PDE3A: variants seen among roughly 807,000 people sequenced by gnomAD.
PDE3A encodes the protein cGMP-inhibited 3',5'-cyclic phosphodiesterase 3A.
A neutral mutation model predicts 98.3 loss-of-function variants in PDE3A; 43 were observed. That is an observed-to-expected ratio of 0.44 (90% confidence interval 0.34 to 0.56). The LOEUF is 0.56. Ranked by LOEUF, PDE3A falls within the 20% of genes least tolerant of loss-of-function variation. The pLI is 0.01. For synonymous variants in PDE3A, 663 were observed against 567.9 expected (o/e 1.17, Z -2.38); for missense variants, 1,427 against 1,440.7 (o/e 0.99, Z 0.15).
intron 2 of PDE3A, among the ~76,000 whole-genome samples, chr12:20,591,986 A>T (rs1286886698): frequency 3.3e-5 from 5 of 152,234 alleles, no homozygotes; most frequent in Non-Finnish European, 7.3e-5. Flanking sequence ...TAAAGGGTTA[A>T]GTAAAATACA....
At chr12:20,513,897 C>CT (rs1946271310) in intron 1 of PDE3A, among the ~76,000 whole-genome samples, 1 of 152,070 alleles carries the variant, frequency 6.6e-6, no homozygotes, top group Non-Finnish European at 1.5e-5. Flanking sequence ...GTACTGTTAA[C>CT]TTTTTTTGGC....
chr12:20,615,840 C>T (rs1943991331), intron 3 of PDE3A, among the ~76,000 whole-genome samples: 1 of 152,112 alleles, frequency 6.6e-6, no homozygotes, highest in South Asian at 2.1e-4. Context: ...ACTCTCCTGC[C>T]TCAGCCTCCC....
Position 20,410,063 on chromosome 12 carries a change from G to A in PDE3A, c.960+39819G>A, listed in dbSNP as rs570464027. Reference sequence around the variant, plus strand: ...ATTTTCTATCCTACATGTCTGTTAGGATTCCCAAGTCTTGCTGTCCCCAGG... The same window carrying A: ...ATTTTCTATCCTACATGTCTGTTAGAATTCCCAAGTCTTGCTGTCCCCAGG... On this transcript the variant is annotated intron_variant, in intron 1 of 15. Coordinates refer to ENST00000359062, the MANE Select transcript of PDE3A (RefSeq NM_000921.5). Among the ~76,000 whole-genome samples, 10 of 152,234 alleles carry A rather than the reference G, an allele frequency of 6.6e-5. No homozygotes were observed. The East Asian group carries it at 1.9e-3, about 29-fold the overall frequency.
intron 8 of PDE3A, among the ~76,000 whole-genome samples, chr12:20,636,151 C>G (rs1026645298): frequency 2.6e-5 from 4 of 152,138 alleles, no homozygotes; most frequent in African/African-American, 9.7e-5. Context: ...GTCATATTGT[C>G]AGGCATATAT....
rs1444293467 is a variant in PDE3A, at chr12:20,684,108, T to C, written c.*3837T>C. On this transcript the variant is annotated 3_prime_UTR_variant, in exon 16 of 16. Coordinates refer to ENST00000359062, the MANE Select transcript of PDE3A (RefSeq NM_000921.5). ...TCTAAAGTTTGAAATTATTAATTTATAAAAGTGAACTAATTGTGTGATTAT... is the reference window on the plus strand; with the variant it reads ...TCTAAAGTTTGAAATTATTAATTTACAAAAGTGAACTAATTGTGTGATTAT... 6.6e-6 allele frequency: 1 copy of C among 152,172 alleles called. No individual in the cohort carries two copies. Among genetic ancestry groups the C allele is most frequent in the East Asian group, 1.9e-4 (1 of 5,194 alleles). 9.4% of individuals were successfully genotyped at this position (152,172 alleles called of 1,614,324 possible). A position where few individuals can be genotyped will look rare whatever the true frequency, so the allele number is the denominator to read the frequency against.
intron 1 of PDE3A, among the ~76,000 whole-genome samples, chr12:20,529,163 T>C (rs1358566270): frequency 6.6e-6 from 1 of 152,136 alleles, no homozygotes; most frequent in African/African-American, 2.4e-5. Context: ...AATTACTACA[T>C]GTATAATTGT....
chr12:20,420,554 G>C (rs1385539011), intron 1 of PDE3A, among the ~76,000 whole-genome samples: 2 of 152,094 alleles, frequency 1.3e-5, no homozygotes, highest in Admixed American at 1.3e-4. Flanking sequence ...TGAACTGACT[G>C]CTGAATTGGG....
At chr12:20,659,573 T>A (rs1338190924) in intron 15 of PDE3A, among the ~76,000 whole-genome samples, 1 of 152,136 alleles carries the variant, frequency 6.6e-6, no homozygotes, top group East Asian at 1.9e-4. Flanking sequence ...TTTTTAATTG[T>A]TTATTTACTT....
At chr12:20,385,020 G>A (rs1295786281) in intron 1 of PDE3A, among the ~76,000 whole-genome samples, 5 of 151,994 alleles carry the variant, frequency 3.3e-5, no homozygotes, top group Non-Finnish European at 7.4e-5. Context: ...ATAATAGAAT[G>A]ACTCACATTC....
chr12:20,422,170 C>T (rs2120760281), intron 1 of PDE3A, among the ~76,000 whole-genome samples: 1 of 152,178 alleles, frequency 6.6e-6, no homozygotes, highest in East Asian at 1.9e-4. Flanking sequence ...CACGGTGAAA[C>T]TCCATCTCTA....
chr12:20,469,458 C>T (rs1459126817), intron 1 of PDE3A, among the ~76,000 whole-genome samples: 1 of 152,196 alleles, frequency 6.6e-6, no homozygotes, highest in South Asian at 2.1e-4. Context: ...AGGGTCTTCT[C>T]TTTCTAGCCT....
intron 1 of PDE3A, among the ~76,000 whole-genome samples, chr12:20,399,610 A>G (rs1944082907): frequency 6.6e-6 from 1 of 152,242 alleles, no homozygotes; most frequent in African/African-American, 2.4e-5. Flanking sequence ...AGCTTAAAAT[A>G]CTATTATTTT....
rs1316596296 is a variant in PDE3A, at chr12:20,400,891, A to C, written c.960+30647A>C. ...TTTCTCCTAGTATGCTAAGCATTTT[A>C]GAGATATCACAGATTCTCTTAAGAT... On this transcript the variant is annotated intron_variant, in intron 1 of 15. Coordinates refer to ENST00000359062, the MANE Select transcript of PDE3A (RefSeq NM_000921.5). 5.3e-5 allele frequency among the ~76,000 whole-genome samples: 8 copies of C among 152,224 alleles called. No individual in the cohort carries two copies. In the East Asian group the frequency reaches 1.5e-3, roughly 29 times the overall value.
chr12:20,386,999 A>G (rs61911353), intron 1 of PDE3A, among the ~76,000 whole-genome samples: 6,899 of 152,170 alleles, frequency 0.045, 195 homozygotes, highest in African/African-American at 0.084. Context: ...ATGGCTAGCC[A>G]GTTCTTCCAG....
chr12:20,510,277 C>T (rs192446236), intron 1 of PDE3A, among the ~76,000 whole-genome samples: 103 of 152,022 alleles, frequency 6.8e-4, no homozygotes, highest in African/African-American at 2.1e-3. Context: ...ACAAATTTGT[C>T]AGCCAGTTTA....
chr12:20,521,142 T>C (rs1222272676), intron 1 of PDE3A, among the ~76,000 whole-genome samples: 1 of 152,060 alleles, frequency 6.6e-6, no homozygotes, highest in Non-Finnish European at 1.5e-5. Context: ...AGTGTTTTTT[T>C]TTTTTTTGTA....
intron 1 of PDE3A, among the ~76,000 whole-genome samples, chr12:20,541,332 C>G (rs1449313964): frequency 6.6e-6 from 1 of 151,746 alleles, no homozygotes. Flanking sequence ...AAACTGCTGG[C>G]CTCCTCAACT....
intron 1 of PDE3A, among the ~76,000 whole-genome samples, chr12:20,381,140 C>T (rs1724994513): frequency 6.6e-6 from 1 of 151,822 alleles, no homozygotes; most frequent in Admixed American, 6.6e-5. Context: ...ATCTTAACCC[C>T]TTTACAGAGC....
intron 5 of PDE3A, among the ~76,000 whole-genome samples, chr12:20,624,261 G>A (rs1309641622): frequency 6.6e-6 from 1 of 152,110 alleles, no homozygotes; most frequent in Non-Finnish European, 1.5e-5. Context: ...GATAATGGAA[G>A]GGTTTGGTTT....
Sources: gnomAD v4.1 joint callset for allele counts (sites outside exome capture counted in the v4.1 genomes callset) on GRCh38, gnomAD v4.1.1 for gene constraint, MANE v1.5 for transcripts, NCBI Gene and HGNC (gene_info 2026-07-23, HGNC 2026-07-21) for gene names.